The following CATSPER4 variants were observed in gnomAD, a reference collection of about 807,000 sequenced individuals.
CATSPER4 encodes the protein cation channel sperm associated 4.
Under a neutral mutation model 54.4 loss-of-function variants are expected in CATSPER4, and 46 were observed. The observed-to-expected ratio is 0.84, with a 90% CI of 0.67 to 1.08. CATSPER4 has a LOEUF of 1.08. CATSPER4 is among the 50% of genes least tolerant of loss of function. The probability of loss-of-function intolerance (pLI) is 0.00; values close to 1 mark genes in which losing one functional copy is unlikely to be tolerated. For missense variants in CATSPER4, 574 were observed against 612.8 expected (o/e 0.94, Z 0.67); for synonymous variants, 230 against 231.9 (o/e 0.99, Z 0.08).
In CATSPER4 at chr1:26,201,690, C is replaced by CTTTT. The variant is rs57008544; in HGVS notation, c.1365+185_1365+188dup. 1,683 of 394,520 alleles carry CTTTT rather than the reference C, an allele frequency of 4.3e-3. 3 individuals carry two copies. Among genetic ancestry groups the CTTTT allele is most frequent in the Non-Finnish European group, 4.9e-3 (1,078 of 221,738 alleles). The allele number at this position is 394,520 out of a possible 1,614,324, so 24.4% of individuals were successfully genotyped here. ...TTTTTTCTTTTTCTTTCTTTCTTTC[C>CTTTT]TTTTTTTTTTTTTTTTTGAGACGGA... On this transcript the variant is annotated intron_variant, in intron 9 of 9. Coordinates refer to ENST00000456354, the MANE Select transcript of CATSPER4 (RefSeq NM_198137.2).
chr1:26,201,069 A>G, intron 8 of CATSPER4, 28 bp downstream of exon 8: 1 of 1,555,052 alleles, frequency 6.4e-7, no homozygotes, highest in Non-Finnish European at 8.9e-7. Flanking sequence ...GGCTGCCCCC[A>G]AGTCATGTGA....
chr1:26,197,841 G>T, intron 4 of CATSPER4, 58 bp downstream of exon 4: 1 of 1,605,356 alleles, frequency 6.2e-7, no homozygotes, highest in African/African-American at 1.3e-5. Context: ...GGAATGAGAT[G>T]GGGGGATAAC....
At chr1:26,195,786 G>A (rs190824873) in intron 3 of CATSPER4, among the ~76,000 whole-genome samples, 1 of 152,226 alleles carries the variant, frequency 6.6e-6, no homozygotes, top group East Asian at 1.9e-4. Flanking sequence ...ACAGGCATAA[G>A]CCACCGCGCC....
chr1:26,196,851 T>TA (rs1340134743), intron 3 of CATSPER4, among the ~76,000 whole-genome samples: 1 of 152,106 alleles, frequency 6.6e-6, no homozygotes, highest in African/African-American at 2.4e-5. Context: ...CATTCCTGTG[T>TA]AAGTGTCTTA....
intron 3 of CATSPER4, 117 bp from the exon 4 acceptor site, chr1:26,197,569 T>C: frequency 1.4e-6 from 1 of 738,662 alleles, no homozygotes; most frequent in Non-Finnish European, 2.4e-6. Flanking sequence ...GGCAGCTGAC[T>C]GGCCCTGCTC....
chr1:26,194,395 T>C (rs2088908163), intron 3 of CATSPER4, among the ~76,000 whole-genome samples: 1 of 152,222 alleles, frequency 6.6e-6, no homozygotes, highest in African/African-American at 2.4e-5. Flanking sequence ...AAATCTGATT[T>C]TCCCTATTCA....
chr1:26,195,075 T>C lies in CATSPER4; in HGVS notation c.459+1187T>C, dbSNP rs575756871. On this transcript the variant is annotated intron_variant, in intron 3 of 9. Transcript: ENST00000456354. Reference sequence around the variant, plus strand: ...CTCCAGCCTGGGCGACAGAGAGAGATTCTGTTTCAAAAAAAAAGTTTTCTT... The same window carrying C: ...CTCCAGCCTGGGCGACAGAGAGAGACTCTGTTTCAAAAAAAAAGTTTTCTT... 2.7e-4 allele frequency among the ~76,000 whole-genome samples: 41 copies of C among 152,054 alleles called. 1 individual carries two copies. The highest frequency in any genetic ancestry group is 9.2e-4 in the African/African-American group (38 of 41,504).
At chr1:26,190,949 C>T in intron 1 of CATSPER4, 109 bp downstream of exon 1, 1 of 996,218 alleles carries the variant, frequency 1.0e-6, no homozygotes, top group Non-Finnish European at 1.5e-6. Flanking sequence ...CCAGAAGACC[C>T]TCCCTAGCAC....
intron 1 of CATSPER4, 126 bp from the exon 2 acceptor site, chr1:26,191,161 T>G: frequency 9.2e-7 from 1 of 1,089,048 alleles, no homozygotes. Flanking sequence ...CATTCCATGA[T>G]CCACTCTCAG....
chr1:26,197,650 C>A, intron 3 of CATSPER4, 36 bp from the exon 4 acceptor site: 1 of 1,489,414 alleles, frequency 6.7e-7, no homozygotes, highest in Non-Finnish European at 9.4e-7. Context: ...ATGGGCTGGG[C>A]CTGACAGACC....
intron 5 of CATSPER4, 101 bp from the exon 6 acceptor site, chr1:26,198,185 T>G: frequency 6.2e-7 from 1 of 1,613,446 alleles, no homozygotes; most frequent in Non-Finnish European, 8.5e-7. Flanking sequence ...TGGGCCTGAA[T>G]CCCTGTGATT....
chr1:26,197,313 T>C (rs1387669154), intron 3 of CATSPER4, among the ~76,000 whole-genome samples: 1 of 152,216 alleles, frequency 6.6e-6, no homozygotes, highest in African/African-American at 2.4e-5. Context: ...TTATTATTAA[T>C]TGTAGTGTGT....
At position 26,202,702 on chromosome 1, in the gene CATSPER4, G is replaced by T. The variant is rs142388907; in HGVS notation, c.*160G>T. The T allele has an allele frequency of 2.9e-6, 2 of 697,412 alleles. No homozygotes were observed. The highest frequency in any genetic ancestry group is 5.1e-6 in the Non-Finnish European group (2 of 389,734). 43.2% of individuals were successfully genotyped at this position (697,412 alleles called of 1,614,324 possible). A position where few individuals can be genotyped will look rare whatever the true frequency, so the allele number is the denominator to read the frequency against. On this transcript the variant is annotated 3_prime_UTR_variant, in exon 10 of 10. Transcript: ENST00000456354. Reference sequence around the variant, plus strand: ...TGAAGGTGGCAGCACCTGCAGGTCTGGTGCCTGTGAGCCCCAGGTCCGGTG... The same window carrying T: ...TGAAGGTGGCAGCACCTGCAGGTCTTGTGCCTGTGAGCCCCAGGTCCGGTG...
In CATSPER4 at chr1:26,201,407, T is replaced by C. The variant is rs1433110730; in HGVS notation, c.1253T>C (p.Val418Ala). 1.1e-5 allele frequency: 18 copies of C among 1,613,986 alleles called. No homozygotes were observed. The highest frequency in any genetic ancestry group is 1.4e-5 in the Non-Finnish European group (17 of 1,179,986). The change falls in exon 9 of 10, where the codon GTG (valine) becomes GCG (alanine). Residue 418 changes from valine (V) to alanine (A), a missense_variant. Coordinates refer to ENST00000456354, the MANE Select transcript of CATSPER4 (RefSeq NM_198137.2). The part of the protein sequence containing the change: ...IRFNQEQESE[V>A]LNRRSSTSGS... Reference sequence around the variant, plus strand: ...TTCAACCAGGAGCAGGAGTCAGAGGTGTTGAACAGGCGCTCGTCGACGAGC... The same window carrying C: ...TTCAACCAGGAGCAGGAGTCAGAGGCGTTGAACAGGCGCTCGTCGACGAGC...
rs747109687 is a variant in CATSPER4, at chr1:26,198,092, C to G, written c.678+15C>G. The G allele has an allele frequency of 6.2e-7, 1 of 1,614,064 alleles. No individual in the cohort carries two copies. The highest frequency in any genetic ancestry group is 1.3e-5 in the African/African-American group (1 of 74,928). ...TCTTCATGCTGGTCAGTGCCTGCCC[C>G]CGCCCCCAGCTGTTTCCCTTCCCTG... is the stretch of plus-strand genomic sequence containing the variant. On this transcript the variant is annotated intron_variant, in intron 5 of 9. Transcript: ENST00000456354.
intron 1 of CATSPER4, 49 bp downstream of exon 1, chr1:26,190,889 T>C (rs1193071854): frequency 6.5e-7 from 1 of 1,529,206 alleles, no homozygotes; most frequent in African/African-American, 1.4e-5. Flanking sequence ...GCTGTGCTCA[T>C]GGGCAGCAGG....
chr1:26,201,093 G>A (rs928261680), intron 8 of CATSPER4, 52 bp downstream of exon 8: 5 of 1,457,016 alleles, frequency 3.4e-6, no homozygotes, highest in South Asian at 1.1e-5. Flanking sequence ...AAGGCTGGGC[G>A]GAGCGTCAGA....
intron 9 of CATSPER4, 87 bp from the exon 10 acceptor site, chr1:26,202,402 A>T: frequency 8.3e-7 from 1 of 1,200,654 alleles, no homozygotes; most frequent in Non-Finnish European, 1.2e-6. Flanking sequence ...CTGGCTGGGG[A>T]AGCTGGTGAG....
chr1:26,201,656 T>A, intron 9 of CATSPER4, 137 bp downstream of exon 9: 1 of 730,142 alleles, frequency 1.4e-6, no homozygotes, highest in Non-Finnish European at 2.3e-6. Flanking sequence ...CCACCCCTCC[T>A]TTTTTTTCTT....
Sources: gnomAD v4.1 joint callset for allele counts (sites outside exome capture counted in the v4.1 genomes callset) on GRCh38, gnomAD v4.1.1 for gene constraint, MANE v1.5 for transcripts, NCBI Gene and HGNC (gene_info 2026-07-23, HGNC 2026-07-21) for gene names.